Variants in C3orf22 observed in about 807,000 individuals in gnomAD.
The protein encoded by C3orf22 is chromosome 3 open reading frame 22.
C3orf22 carries 7 observed loss-of-function variants against 10.8 expected under a neutral mutation model. The ratio of observed to expected loss-of-function variants is 0.65; its 90% CI spans 0.37 to 1.22. The LOEUF (loss-of-function observed/expected upper bound fraction) is 1.22, where lower values mean the gene tolerates loss of function less well. Among genes scored for constraint, C3orf22 ranks in the 50% most tolerant of loss-of-function variants. The pLI is 0.02. For missense variants in C3orf22, 173 were observed against 177.0 expected, an observed-to-expected ratio of 0.98 and a Z score of 0.13; for synonymous variants, 79 against 78.9, an observed-to-expected ratio of 1.00 and a Z score of 0.00.
Position 126,553,373 on chromosome 3 carries a change from G to C in C3orf22, c.18C>G (p.Cys6Trp). The change falls in exon 2 of 4, where the codon TGC becomes TGG. Residue 6 changes from cysteine to tryptophan, a missense_variant. Transcript: ENST00000318225. Reference sequence around the variant, plus strand: ...ACTTCTTACTCTGGTGAGACTTCTTGCAGGCACTGGAGTCCATCACTGAGT... The same window carrying C: ...ACTTCTTACTCTGGTGAGACTTCTTCCAGGCACTGGAGTCCATCACTGAGT... MDSSA[C>W]KKSHQSKKWR... The C allele has an allele frequency of 6.2e-7, 1 of 1,614,042 alleles. No homozygotes were observed. Among genetic ancestry groups the C allele is most frequent in the African/African-American group, 1.3e-5 (1 of 74,996 alleles).
intron 4 of C3orf22, chr3:126,536,191 C>A: frequency 1.7e-6 from 2 of 1,209,522 alleles, no homozygotes; most frequent in Non-Finnish European, 2.4e-6. Flanking sequence ...GTCAAATGTG[C>A]CTAGATGGGT....
intron 4 of C3orf22, among the ~76,000 whole-genome samples, chr3:126,538,249 A>G (rs1198030579): frequency 1.3e-5 from 2 of 152,248 alleles, no homozygotes; most frequent in African/African-American, 2.4e-5. Flanking sequence ...GCTGCCCACC[A>G]TCGTCCTCCG....
chr3:126,536,526 T>G (rs73859518), intron 4 of C3orf22, among the ~76,000 whole-genome samples: 4,883 of 151,930 alleles, frequency 0.032, 256 homozygotes, highest in African/African-American at 0.11. Flanking sequence ...ATCTTGGGGG[T>G]AAGATGAGAG....
chr3:126,553,444 G>A lies in C3orf22; in HGVS notation c.-40-14C>T. On this transcript the variant is annotated splice_polypyrimidine_tract_variant and intron_variant, in intron 1 of 3. Transcript: ENST00000318225. ...TCTCAGCCATGGCTGGAAGACAAGA[G>A]GAGGCGTCAGAGGGGGCAGGGGTGG... 6.5e-7 allele frequency: 1 copy of A among 1,533,200 alleles called. No homozygotes were observed. The highest frequency in any genetic ancestry group is 9.0e-7 in the Non-Finnish European group (1 of 1,108,534). The allele number at this position is 1,533,200 out of a possible 1,614,324, so 95.0% of individuals were successfully genotyped here. A position where few individuals can be genotyped will look rare whatever the true frequency, so the allele number is the denominator to read the frequency against.
At chr3:126,541,954 C>T (rs751310243) in intron 4 of C3orf22, 2 of 1,586,508 alleles carry the variant, frequency 1.3e-6, no homozygotes, top group Admixed American at 1.7e-5. Flanking sequence ...CCCGCGGCGA[C>T]CCGCGCGCCA....
chr3:126,542,830 C>T (rs946699201), intron 4 of C3orf22: 2 of 424,518 alleles, frequency 4.7e-6, no homozygotes, highest in Non-Finnish European at 8.0e-6. Flanking sequence ...AGCTGACAGG[C>T]ACCTCTCCAG....
intron 4 of C3orf22, chr3:126,541,777 C>A: frequency 6.5e-7 from 1 of 1,527,936 alleles, no homozygotes; most frequent in South Asian, 1.2e-5. Flanking sequence ...AGCGGCGCGA[C>A]CTGCTGAACA....
chr3:126,527,187 A>T (rs1353222627), exon 6 of C3orf22: 1 of 152,298 alleles, frequency 6.6e-6, no homozygotes, highest in African/African-American at 2.4e-5. Context: ...GGGCCTCTGC[A>T]TCCCATCCCA....
intron 1 of C3orf22, among the ~76,000 whole-genome samples, chr3:126,556,936 ACT>A (rs1007034853): frequency 2.6e-5 from 4 of 151,138 alleles, no homozygotes; most frequent in Admixed American, 6.6e-5. Flanking sequence ...ACACATACAC[ACT>A]CACACACTCA....
At chr3:126,546,359 C>CA (rs1220782801), downstream of C3orf22, among the ~76,000 whole-genome samples, 5 of 152,238 alleles carry the variant, frequency 3.3e-5, no homozygotes, top group Non-Finnish European at 5.9e-5. Flanking sequence ...GGGGACTGGG[C>CA]ACCAAATGCC....
At chr3:126,541,267 G>T (rs1936951404) in intron 4 of C3orf22, among the ~76,000 whole-genome samples, 1 of 152,218 alleles carries the variant, frequency 6.6e-6, no homozygotes, top group South Asian at 2.1e-4. Flanking sequence ...GTGCTGATTG[G>T]TAAGTACAGA....
chr3:126,533,002 T>C (rs1482929945), intron 4 of C3orf22, among the ~76,000 whole-genome samples: 3 of 152,244 alleles, frequency 2.0e-5, no homozygotes, highest in Admixed American at 2.0e-4. Context: ...ACTTCTTCTT[T>C]ATTACTTTAT....
downstream of C3orf22, among the ~76,000 whole-genome samples, chr3:126,545,143 G>C (rs1937045897): frequency 6.6e-6 from 1 of 152,264 alleles, no homozygotes; most frequent in Non-Finnish European, 1.5e-5. Flanking sequence ...GGGGTGCCCA[G>C]GTGATTCTCC....
At chr3:126,552,580 G>C (rs1376297487) in intron 2 of C3orf22, among the ~76,000 whole-genome samples, 1 of 152,200 alleles carries the variant, frequency 6.6e-6, no homozygotes, top group African/African-American at 2.4e-5. Flanking sequence ...GCCCGGCACA[G>C]GGACACAGCA....
At chr3:126,538,546 C>T (rs1936851183) in intron 4 of C3orf22, among the ~76,000 whole-genome samples, 1 of 152,250 alleles carries the variant, frequency 6.6e-6, no homozygotes, top group South Asian at 2.1e-4. Context: ...TGCCCTGACA[C>T]AGCCGGGGTC....
chr3:126,539,803 CACCACACACCACAAACACACAT>C (rs1936900360), intron 4 of C3orf22, among the ~76,000 whole-genome samples: 1 of 91,838 alleles, frequency 1.1e-5, no homozygotes, highest in Admixed American at 1.1e-4. Flanking sequence ...ACAGACACCA[CACCACACACCACAAACACACAT>C]ACCACACACA....
At chr3:126,536,905 AC>A (rs1936806699) in intron 4 of C3orf22, among the ~76,000 whole-genome samples, 2 of 150,568 alleles carry the variant, frequency 1.3e-5, no homozygotes, top group African/African-American at 4.9e-5. Context: ...AAACACACAC[AC>A]ACACACACAC....
intron 4 of C3orf22, among the ~76,000 whole-genome samples, chr3:126,539,837 A>ATCACACACACACACC: frequency 1.4e-5 from 1 of 72,666 alleles, no homozygotes; most frequent in Non-Finnish European, 2.4e-5. Flanking sequence ...CCACACACAC[A>ATCACACACACACACC]CCACACACAT....
In C3orf22 at chr3:126,552,005, T is replaced by G; in HGVS notation, c.207A>C (p.Pro69=). The G allele has an allele frequency of 1.9e-6, 3 of 1,610,110 alleles. No homozygotes were observed. The highest frequency in any genetic ancestry group is 2.5e-6 in the Non-Finnish European group (3 of 1,177,754). The change falls in exon 3 of 4, where the codon CCA becomes CCC. Residue 69 remains proline, a synonymous_variant. Coordinates refer to ENST00000318225, the MANE Select transcript of C3orf22 (RefSeq NM_152533.3). ...QKRLVPTRSI[P]VRGLGAPDFT... Reference sequence around the variant, plus strand: ...TCAGGGCAGGGACTTACCCTCGGACTGGGATGGACCTCGTTGGCACCAACC... The same window carrying G: ...TCAGGGCAGGGACTTACCCTCGGACGGGGATGGACCTCGTTGGCACCAACC...
Sources: gnomAD v4.1 joint callset for allele counts (sites outside exome capture counted in the v4.1 genomes callset) on GRCh38, gnomAD v4.1.1 for gene constraint, MANE v1.5 for transcripts, NCBI Gene and HGNC (gene_info 2026-07-23, HGNC 2026-07-21) for gene names.